PDE11A: variants seen among roughly 807,000 people sequenced by gnomAD.
PDE11A encodes dual 3',5'-cyclic-AMP and -GMP phosphodiesterase 11A.
Under a neutral mutation model 100.5 loss-of-function variants are expected in PDE11A, and 100 were observed. The observed-to-expected ratio is 1.00, with a 90% CI of 0.85 to 1.18. The LOEUF (loss-of-function observed/expected upper bound fraction) is 1.18, where lower values mean the gene tolerates loss of function less well. PDE11A is among the 50% of genes most tolerant of loss of function. The pLI is 0.00. For missense variants in PDE11A, 1,141 were observed against 1,152.6 expected, an observed-to-expected ratio of 0.99 and a Z score of 0.15; for synonymous variants, 381 against 420.8, an observed-to-expected ratio of 0.91 and a Z score of 1.16.
intron 1 of PDE11A, among the ~76,000 whole-genome samples, chr2:178,065,121 C>T (rs1489094305): frequency 6.6e-6 from 1 of 152,150 alleles, no homozygotes; most frequent in Admixed American, 6.5e-5. Context: ...AGCAACTTAA[C>T]CCACTCTTTT....
At chr2:177,639,619 T>C (rs1157295479) in intron 19 of PDE11A, among the ~76,000 whole-genome samples, 1 of 152,214 alleles carries the variant, frequency 6.6e-6, no homozygotes, top group Admixed American at 6.5e-5. Context: ...TTTTCTCTTA[T>C]TACCATTATT....
chr2:177,695,021 CCT>C (rs2081089514), intron 15 of PDE11A, among the ~76,000 whole-genome samples: 1 of 150,918 alleles, frequency 6.6e-6, no homozygotes, highest in Admixed American at 6.6e-5. Flanking sequence ...GTTTGTTTGG[CCT>C]CTGTCTTTCC....
chr2:177,972,883 T>G lies in PDE11A; in HGVS notation c.1071+41419A>C, dbSNP rs935182175. Reference sequence around the variant, plus strand: ...GGCACTTAGGTGGGGAAGAAAAGCTTTGGATCTGCTAAACTGAGAGAAGGG... The same window carrying G: ...GGCACTTAGGTGGGGAAGAAAAGCTGTGGATCTGCTAAACTGAGAGAAGGG... On this transcript the variant is annotated intron_variant, in intron 2 of 19. Coordinates refer to ENST00000286063, the MANE Select transcript of PDE11A (RefSeq NM_016953.4). Among the ~76,000 whole-genome samples the G allele has an allele frequency of 7.5e-4, 114 of 152,240 alleles. 1 individual carries two copies. Among genetic ancestry groups the G allele is most frequent in the African/African-American group, 2.6e-3 (108 of 41,544 alleles).
At chr2:177,944,175 C>A (rs1463678859) in intron 2 of PDE11A, among the ~76,000 whole-genome samples, 1 of 152,154 alleles carries the variant, frequency 6.6e-6, no homozygotes, top group Non-Finnish European at 1.5e-5. Flanking sequence ...TGAAAGCAGG[C>A]TTCTAGTCTA....
intron 1 of PDE11A, among the ~76,000 whole-genome samples, chr2:178,048,491 C>T (rs2086781810): frequency 2.0e-5 from 3 of 152,132 alleles, no homozygotes; most frequent in African/African-American, 7.2e-5. Context: ...CCCTTTGGAT[C>T]CATTCCTTGG....
chr2:177,704,086 G>C (rs1263400265), intron 13 of PDE11A, among the ~76,000 whole-genome samples: 2 of 152,176 alleles, frequency 1.3e-5, no homozygotes, highest in Non-Finnish European at 2.9e-5. Context: ...ATGAAAGTGT[G>C]GGGAGACTTT....
chr2:178,078,106 C>T (rs895692040), intron 2 of PDE11A, among the ~76,000 whole-genome samples: 11 of 152,036 alleles, frequency 7.2e-5, no homozygotes, highest in Admixed American at 6.6e-4. Flanking sequence ...TCTCTCTTCT[C>T]ACCTCCTGCC....
At chr2:177,859,240 T>TA (rs972666417) in intron 5 of PDE11A, among the ~76,000 whole-genome samples, 4 of 150,364 alleles carry the variant, frequency 2.7e-5, no homozygotes, top group Non-Finnish European at 5.9e-5. Flanking sequence ...AAAAGTATAA[T>TA]AAAAAAATAA....
In PDE11A at chr2:177,985,773, T is replaced by C. The variant is rs181658153; in HGVS notation, c.1071+28529A>G. ...TTTAAAGTTTTAAGAATTGATACAG[T>C]ACAAAGACAAAAAGTGGGATTGCAA... On this transcript the variant is annotated intron_variant, in intron 2 of 19. Coordinates refer to ENST00000286063, the MANE Select transcript of PDE11A (RefSeq NM_016953.4). 6.4e-4 allele frequency among the ~76,000 whole-genome samples: 98 copies of C among 152,304 alleles called. 1 individual carries two copies. Among genetic ancestry groups the C allele is most frequent in the African/African-American group, 2.2e-3 (91 of 41,574 alleles).
intron 1 of PDE11A, among the ~76,000 whole-genome samples, chr2:178,021,819 G>GA (rs2086416648): frequency 6.6e-6 from 1 of 151,964 alleles, no homozygotes; most frequent in Admixed American, 6.5e-5. Context: ...GAGGTGGAAG[G>GA]GAGTGTCCCA....
intron 2 of PDE11A, among the ~76,000 whole-genome samples, chr2:177,925,662 G>A (rs114856261): frequency 6.6e-5 from 10 of 152,308 alleles, no homozygotes; most frequent in East Asian, 1.9e-4. Context: ...AAAGGAAAAC[G>A]TGGGGCAGAT....
intron 5 of PDE11A, 65 bp from the exon 6 acceptor site, chr2:177,840,448 C>G: frequency 1.5e-6 from 2 of 1,355,666 alleles, no homozygotes; most frequent in East Asian, 2.3e-5. Flanking sequence ...AAAGGAAACC[C>G]TATAAACTAC....
At chr2:177,924,829 C>T (rs1246435323) in intron 2 of PDE11A, among the ~76,000 whole-genome samples, 51 of 149,006 alleles carry the variant, frequency 3.4e-4, no homozygotes, top group African/African-American at 1.1e-3. Flanking sequence ...GCTGCACCCA[C>T]TAACTCGTCA....
At chr2:178,053,051 G>C (rs2086849128) in intron 1 of PDE11A, among the ~76,000 whole-genome samples, 1 of 152,166 alleles carries the variant, frequency 6.6e-6, no homozygotes, top group Non-Finnish European at 1.5e-5. Context: ...GCCTGGCAGA[G>C]ACACAACAAA....
chr2:177,927,933 C>T (rs1172667571), intron 2 of PDE11A, among the ~76,000 whole-genome samples: 4 of 151,754 alleles, frequency 2.6e-5, no homozygotes, highest in South Asian at 2.1e-4. Context: ...GGAGAAACCC[C>T]GTCTCTACTA....
intron 9 of PDE11A, among the ~76,000 whole-genome samples, chr2:177,789,842 A>G (rs949650375): frequency 1.3e-5 from 2 of 152,256 alleles, no homozygotes; most frequent in East Asian, 1.9e-4. Context: ...GGGATGTGAA[A>G]GACCTCTTCA....
intron 10 of PDE11A, among the ~76,000 whole-genome samples, chr2:177,745,190 T>A (rs895713541): frequency 1.3e-5 from 2 of 152,170 alleles, no homozygotes; most frequent in African/African-American, 4.8e-5. Context: ...CAAAAAATCA[T>A]GGCATGAAAG....
At chr2:178,081,049 G>A (rs1225446401) in intron 2 of PDE11A, among the ~76,000 whole-genome samples, 3 of 152,090 alleles carry the variant, frequency 2.0e-5, no homozygotes, top group Non-Finnish European at 4.4e-5. Context: ...TGAATCTGTT[G>A]CCAAATTAAC....
intron 9 of PDE11A, among the ~76,000 whole-genome samples, chr2:177,781,139 T>C (rs1274847378): frequency 6.6e-6 from 1 of 152,198 alleles, no homozygotes; most frequent in Admixed American, 6.5e-5. Context: ...TGTAGGGTTA[T>C]TACTTGGCCT....
Sources: allele counts gnomAD v4.1 joint callset (sites outside exome capture counted in the v4.1 genomes callset), GRCh38; gene constraint gnomAD v4.1.1; transcripts MANE v1.5; gene names NCBI Gene and HGNC (gene_info 2026-07-23, HGNC 2026-07-21).